Variants in SPHKAP observed in about 807,000 individuals in gnomAD.
The protein encoded by SPHKAP is A-kinase anchor protein SPHKAP.
A neutral mutation model predicts 137.5 loss-of-function variants in SPHKAP; 67 were observed. The ratio of observed to expected loss-of-function variants is 0.49; its 90% CI spans 0.40 to 0.60. The LOEUF (loss-of-function observed/expected upper bound fraction) is 0.60, where lower values mean the gene tolerates loss of function less well. SPHKAP is among the 20% of genes least tolerant of loss of function. The pLI is 0.00. For synonymous variants in SPHKAP, 813 were observed against 785.3 expected, an observed-to-expected ratio of 1.04 and a Z score of -0.59; for missense variants, 2,097 against 2,069.3, an observed-to-expected ratio of 1.01 and a Z score of -0.26.
intron 3 of SPHKAP, among the ~76,000 whole-genome samples, chr2:228,048,112 G>T (rs909844821): frequency 6.6e-6 from 1 of 152,082 alleles, no homozygotes; most frequent in Non-Finnish European, 1.5e-5. Flanking sequence ...TGTCCGCTGG[G>T]GCTGAAGGGG....
intron 2 of SPHKAP, among the ~76,000 whole-genome samples, chr2:228,115,681 G>A (rs1304818528): frequency 6.6e-6 from 1 of 152,124 alleles, no homozygotes; most frequent in East Asian, 1.9e-4. Context: ...TGGCATGGGG[G>A]CCAAACAGAA....
At chr2:228,031,356 C>T (rs915564551) in intron 3 of SPHKAP, among the ~76,000 whole-genome samples, 1 of 152,196 alleles carries the variant, frequency 6.6e-6, no homozygotes, top group Non-Finnish European at 1.5e-5. Context: ...ATTAGGCAAA[C>T]AAAAATGCCA....
chr2:228,029,560 G>C (rs1180412360), intron 3 of SPHKAP, among the ~76,000 whole-genome samples: 1 of 152,136 alleles, frequency 6.6e-6, no homozygotes, highest in Non-Finnish European at 1.5e-5. Context: ...GGCATGAAAG[G>C]ACCCACACTC....
intron 3 of SPHKAP, among the ~76,000 whole-genome samples, chr2:228,035,764 A>G (rs1342184868): frequency 6.6e-6 from 1 of 152,210 alleles, no homozygotes; most frequent in African/African-American, 2.4e-5. Context: ...CAAACCTGAC[A>G]AAAACAAGCA....
At chr2:228,027,621 G>T (rs1695095160) in intron 3 of SPHKAP, 78 bp from the exon 4 acceptor site, 1 of 1,429,450 alleles carries the variant, frequency 7.0e-7, no homozygotes, top group Admixed American at 1.7e-5. Context: ...GCAGGAATCA[G>T]TTGGGGCAAA....
chr2:228,022,180 G>GA, intron 5 of SPHKAP: 1 of 985,210 alleles, frequency 1.0e-6, no homozygotes, highest in Non-Finnish European at 1.2e-6. Flanking sequence ...CTGACTTAGG[G>GA]AAAAATAGAT....
At chr2:228,032,345 AAAAC>A (rs1259985012) in intron 3 of SPHKAP, among the ~76,000 whole-genome samples, 3 of 152,166 alleles carry the variant, frequency 2.0e-5, no homozygotes, top group Non-Finnish European at 4.4e-5. Context: ...AAGAATTAAA[AAAAC>A]GAACAAAGCC....
intron 7 of SPHKAP, among the ~76,000 whole-genome samples, chr2:228,010,940 T>C (rs537173112): frequency 6.6e-6 from 1 of 152,324 alleles, no homozygotes; most frequent in Non-Finnish European, 1.5e-5. Flanking sequence ...CTTGATTCCT[T>C]GTGTGTCTTT....
At chr2:228,161,030 G>C (rs1005666293) in intron 1 of SPHKAP, among the ~76,000 whole-genome samples, 3 of 152,236 alleles carry the variant, frequency 2.0e-5, no homozygotes, top group Non-Finnish European at 2.9e-5. Context: ...CTCACAGTGA[G>C]TGGATAAGGT....
At chr2:228,048,064 G>A (rs1328633847) in intron 3 of SPHKAP, among the ~76,000 whole-genome samples, 3 of 152,128 alleles carry the variant, frequency 2.0e-5, no homozygotes, top group East Asian at 3.9e-4. Flanking sequence ...TAAAGACAAC[G>A]AGGAGGAGAA....
chr2:228,137,940 A>T (rs1013752460), intron 1 of SPHKAP, among the ~76,000 whole-genome samples: 1 of 152,192 alleles, frequency 6.6e-6, no homozygotes, highest in African/African-American at 2.4e-5. Flanking sequence ...TTTAAACATC[A>T]CGTGAGATGT....
chr2:228,070,861 T>C (rs558768040), intron 3 of SPHKAP, among the ~76,000 whole-genome samples: 48 of 152,342 alleles, frequency 3.2e-4, no homozygotes, highest in Non-Finnish European at 5.6e-4. Context: ...TATGACACCC[T>C]GATTTACAAA....
At chr2:228,164,348 T>C (rs1307789832) in intron 1 of SPHKAP, among the ~76,000 whole-genome samples, 2 of 152,180 alleles carry the variant, frequency 1.3e-5, no homozygotes, top group South Asian at 2.1e-4. Flanking sequence ...AGATGTCCTA[T>C]TGTGGGCCTT....
chr2:228,033,421 A>C (rs1695436302), intron 3 of SPHKAP, among the ~76,000 whole-genome samples: 1 of 152,188 alleles, frequency 6.6e-6, no homozygotes, highest in African/African-American at 2.4e-5. Context: ...TTCCCATACA[A>C]TAATAACGGG....
intron 5 of SPHKAP, among the ~76,000 whole-genome samples, chr2:228,022,600 T>C (rs984875319): frequency 1.3e-5 from 2 of 152,154 alleles, no homozygotes; most frequent in African/African-American, 2.4e-5. Context: ...TTTCTGGGTA[T>C]AAAGCTGGCA....
chr2:228,000,902 C>T (rs1693831102), intron 7 of SPHKAP, among the ~76,000 whole-genome samples: 1 of 151,930 alleles, frequency 6.6e-6, no homozygotes, highest in Non-Finnish European at 1.5e-5. Context: ...GGGTAAATAC[C>T]AAGGAACAGG....
chr2:228,145,308 G>C (rs1051675801), intron 1 of SPHKAP, among the ~76,000 whole-genome samples: 1 of 152,052 alleles, frequency 6.6e-6, no homozygotes, highest in Non-Finnish European at 1.5e-5. Flanking sequence ...TGGACTCCAG[G>C]ATTTATTGAG....
intron 1 of SPHKAP, among the ~76,000 whole-genome samples, chr2:228,137,513 G>C (rs1405995760): frequency 6.6e-6 from 1 of 152,168 alleles, no homozygotes; most frequent in Non-Finnish European, 1.5e-5. Flanking sequence ...ACAGTGTAAA[G>C]TTAAACCATT....
chr2:228,150,964 G>A (rs1426833600), intron 1 of SPHKAP, among the ~76,000 whole-genome samples: 1 of 151,564 alleles, frequency 6.6e-6, no homozygotes, highest in Non-Finnish European at 1.5e-5. Flanking sequence ...TTAAGTTTTA[G>A]GGTACATGTG....
Sources: gnomAD v4.1 joint callset for allele counts (sites outside exome capture counted in the v4.1 genomes callset) on GRCh38, gnomAD v4.1.1 for gene constraint, MANE v1.5 for transcripts, NCBI Gene and HGNC (gene_info 2026-07-23, HGNC 2026-07-21) for gene names.